PCDH9: variants seen among roughly 807,000 people sequenced by gnomAD.
PCDH9 encodes the protein protocadherin-9.
Under a neutral mutation model 70.6 loss-of-function variants are expected in PCDH9, and 24 were observed. The ratio of observed to expected loss-of-function variants is 0.34; its 90% CI spans 0.25 to 0.48. The LOEUF (loss-of-function observed/expected upper bound fraction) is 0.48. Among genes scored for constraint, PCDH9 ranks in the 20% least tolerant of loss-of-function variants. The pLI is 0.99. For missense variants in PCDH9, 1,281 were observed against 1,503.6 expected, an observed-to-expected ratio of 0.85 and a Z score of 2.45; for synonymous variants, 562 against 558.5, an observed-to-expected ratio of 1.01 and a Z score of -0.09.
At chr13:66,497,753 A>G (rs1431467332) in intron 4 of PCDH9, among the ~76,000 whole-genome samples, 2 of 151,794 alleles carry the variant, frequency 1.3e-5, no homozygotes, top group Non-Finnish European at 2.9e-5. Context: ...TTTGCTCTCC[A>G]TTAAGTTATA....
chr13:66,928,456 G>T (rs1214672801), intron 2 of PCDH9, among the ~76,000 whole-genome samples: 12 of 152,102 alleles, frequency 7.9e-5, no homozygotes, highest in Non-Finnish European at 1.8e-4. Flanking sequence ...TCAGAATACT[G>T]AGGAAATCAT....
intron 3 of PCDH9, among the ~76,000 whole-genome samples, chr13:66,783,505 C>T (rs1303473460): frequency 6.6e-6 from 1 of 152,010 alleles, no homozygotes; most frequent in Non-Finnish European, 1.5e-5. Flanking sequence ...CTGTCATGAA[C>T]AATAGAAGAA....
At chr13:66,767,198 A>T (rs758963183) in intron 3 of PCDH9, among the ~76,000 whole-genome samples, 9 of 152,050 alleles carry the variant, frequency 5.9e-5, no homozygotes, top group South Asian at 2.1e-4. Context: ...ACACAATGAC[A>T]GTGACTTCCC....
At chr13:67,055,305 A>C (rs901760053) in intron 2 of PCDH9, among the ~76,000 whole-genome samples, 6 of 152,210 alleles carry the variant, frequency 3.9e-5, no homozygotes, top group African/African-American at 1.4e-4. Flanking sequence ...CCAGCTTATA[A>C]ATGTGAAGTT....
chr13:66,342,876 G>A (rs1956155487), intron 4 of PCDH9, among the ~76,000 whole-genome samples: 1 of 151,724 alleles, frequency 6.6e-6, no homozygotes, highest in Non-Finnish European at 1.5e-5. Context: ...GAACTCCTGA[G>A]CTTGGACAAT....
At chr13:66,904,460 T>A (rs895690381) in intron 2 of PCDH9, among the ~76,000 whole-genome samples, 2 of 152,046 alleles carry the variant, frequency 1.3e-5, no homozygotes, top group African/African-American at 4.8e-5. Flanking sequence ...TTATTAAACA[T>A]AACTTTGTAG....
intron 2 of PCDH9, among the ~76,000 whole-genome samples, chr13:67,199,330 T>C (rs1192714426): frequency 6.6e-6 from 1 of 151,844 alleles, no homozygotes; most frequent in Non-Finnish European, 1.5e-5. Context: ...AAAAATATGC[T>C]GTTTAAAGGT....
intron 2 of PCDH9, among the ~76,000 whole-genome samples, chr13:67,125,801 T>C (rs1404927061): frequency 3.3e-5 from 5 of 151,968 alleles, no homozygotes; most frequent in African/African-American, 9.7e-5. Context: ...TTCCTACCTT[T>C]AGTTTGGTAT....
At chr13:66,386,187 G>T (rs1402850655) in intron 4 of PCDH9, among the ~76,000 whole-genome samples, 1 of 152,072 alleles carries the variant, frequency 6.6e-6, no homozygotes, top group South Asian at 2.1e-4. Flanking sequence ...ATGCCATTAT[G>T]CAATTTGTCT....
At chr13:66,686,446 G>A (rs1244858774) in intron 3 of PCDH9, among the ~76,000 whole-genome samples, 3 of 151,986 alleles carry the variant, frequency 2.0e-5, no homozygotes, top group Non-Finnish European at 2.9e-5. Context: ...CCCAGTCTTG[G>A]ACAATTATTT....
At chr13:66,828,225 T>A (rs2080858903) in intron 3 of PCDH9, among the ~76,000 whole-genome samples, 2 of 152,138 alleles carry the variant, frequency 1.3e-5, no homozygotes, top group African/African-American at 4.8e-5. Flanking sequence ...CCTCACAGAA[T>A]AAGAAGGTAA....
At chr13:66,546,579 T>C (rs1204736825) in intron 4 of PCDH9, among the ~76,000 whole-genome samples, 1 of 152,186 alleles carries the variant, frequency 6.6e-6, no homozygotes, top group Non-Finnish European at 1.5e-5. Context: ...AAAGTAAAAC[T>C]ACTACAGTAA....
intron 4 of PCDH9, among the ~76,000 whole-genome samples, chr13:66,499,394 T>G (rs1959165465): frequency 1.3e-5 from 2 of 152,170 alleles, no homozygotes; most frequent in African/African-American, 4.8e-5. Flanking sequence ...AAATTCATTT[T>G]TAAAAACATG....
At chr13:66,395,419 G>A (rs1444609892) in intron 4 of PCDH9, among the ~76,000 whole-genome samples, 1 of 151,954 alleles carries the variant, frequency 6.6e-6, no homozygotes, top group Admixed American at 6.6e-5. Context: ...TGGCCAAGAT[G>A]GTGAAACCCC....
In PCDH9 at chr13:67,016,075, T is replaced by C. The variant is rs56143243; in HGVS notation, c.3037-112470A>G. 5.1e-3 allele frequency among the ~76,000 whole-genome samples: 775 copies of C among 152,236 alleles called. 2 individuals carry two copies. Among genetic ancestry groups the C allele is most frequent in the African/African-American group, 0.017 (719 of 41,538 alleles). ...CTGATTTTTGATGAGGTTAATTCAA[T>C]ACCAAAACATGCTTTAGTGTACCTT... is the stretch of plus-strand genomic sequence containing the variant. On this transcript the variant is annotated intron_variant, in intron 2 of 4. Transcript: ENST00000377865.
At chr13:66,385,587 T>C (rs1471160963) in intron 4 of PCDH9, among the ~76,000 whole-genome samples, 1 of 152,144 alleles carries the variant, frequency 6.6e-6, no homozygotes, top group African/African-American at 2.4e-5. Flanking sequence ...GTAATGGAAA[T>C]AACTAATCAG....
intron 3 of PCDH9, among the ~76,000 whole-genome samples, chr13:66,721,616 G>A (rs1173597924): frequency 6.6e-6 from 1 of 151,884 alleles, no homozygotes; most frequent in East Asian, 1.9e-4. Flanking sequence ...AAAAACACCT[G>A]GAATTTAGAG....
chr13:67,088,933 C>T (rs1169561479), intron 2 of PCDH9, among the ~76,000 whole-genome samples: 1 of 151,966 alleles, frequency 6.6e-6, no homozygotes, highest in African/African-American at 2.4e-5. Flanking sequence ...AGAGCAGTAG[C>T]TGTAAGATTA....
At chr13:67,073,592 C>T (rs368668018) in intron 2 of PCDH9, among the ~76,000 whole-genome samples, 5 of 151,814 alleles carry the variant, frequency 3.3e-5, no homozygotes, top group East Asian at 1.9e-4. Flanking sequence ...TGCAATAAAA[C>T]GTATTTTCTA....
Sources: allele counts gnomAD v4.1 joint callset (sites outside exome capture counted in the v4.1 genomes callset), GRCh38; gene constraint gnomAD v4.1.1; transcripts MANE v1.5; gene names NCBI Gene and HGNC (gene_info 2026-07-23, HGNC 2026-07-21).